The following FOCAD variants were observed in gnomAD, a reference collection of about 807,000 sequenced individuals.
FOCAD encodes the protein focadhesin, also known as KIAA1797.
Under a neutral mutation model 225.6 loss-of-function variants are expected in FOCAD, and 198 were observed. The ratio of observed to expected loss-of-function variants is 0.88; its 90% CI spans 0.78 to 0.99. FOCAD has a LOEUF of 0.99. Ranked by LOEUF, FOCAD falls within the 50% of genes least tolerant of loss-of-function variation. The pLI, the probability that FOCAD is intolerant of heterozygous loss-of-function variation, is 0.00. For missense variants in FOCAD, 2,713 were observed against 2,123.6 expected (o/e 1.28, Z -5.46); for synonymous variants, 897 against 755.0 (o/e 1.19, Z -3.08).
chr9:20,877,335 A>G (rs116984565), intron 19 of FOCAD, among the ~76,000 whole-genome samples: 224 of 152,348 alleles, frequency 1.5e-3, no homozygotes, highest in Non-Finnish European at 2.6e-3. Context: ...CAATTCTGAA[A>G]TCTCAAAAAT....
intron 15 of FOCAD, among the ~76,000 whole-genome samples, chr9:20,830,787 C>T (rs1289247175): frequency 6.6e-6 from 1 of 151,908 alleles, no homozygotes; most frequent in Non-Finnish European, 1.5e-5. Flanking sequence ...AGGGATCCTC[C>T]CACCTTAGAC....
chr9:20,959,561 C>T (rs1240628294), intron 35 of FOCAD, among the ~76,000 whole-genome samples: 2 of 151,888 alleles, frequency 1.3e-5, no homozygotes, highest in African/African-American at 2.4e-5. Flanking sequence ...TTTATTTTTG[C>T]TTTTATTTTC....
chr9:20,898,753 T>C (rs1368594811), intron 21 of FOCAD, among the ~76,000 whole-genome samples: 1 of 151,982 alleles, frequency 6.6e-6, no homozygotes, highest in Non-Finnish European at 1.5e-5. Flanking sequence ...CTTTAAGCTA[T>C]GTATTTTACC....
intron 4 of FOCAD, among the ~76,000 whole-genome samples, chr9:20,727,845 T>C (rs1826335358): frequency 6.6e-6 from 1 of 152,200 alleles, no homozygotes; most frequent in Non-Finnish European, 1.5e-5. Context: ...GTTATGTCAT[T>C]CTCTTCAACC....
intron 4 of FOCAD, among the ~76,000 whole-genome samples, chr9:20,736,849 T>G (rs907623353): frequency 1.3e-5 from 2 of 152,012 alleles, no homozygotes; most frequent in Non-Finnish European, 2.9e-5. Context: ...TTAATTCAAA[T>G]TGAAGTAGGG....
chr9:20,763,856 T>C (rs1449464329), intron 6 of FOCAD, among the ~76,000 whole-genome samples: 1 of 152,136 alleles, frequency 6.6e-6, no homozygotes, highest in Non-Finnish European at 1.5e-5. Flanking sequence ...ATCATTCCGG[T>C]GTTTTAGTGA....
chr9:20,751,747 T>C (rs1336014844), intron 5 of FOCAD, among the ~76,000 whole-genome samples: 3 of 148,944 alleles, frequency 2.0e-5, no homozygotes, highest in Admixed American at 6.7e-5. Flanking sequence ...ACTTCCACAA[T>C]GGTTGAACTA....
At chr9:20,762,489 T>C (rs1563958916) in intron 6 of FOCAD, among the ~76,000 whole-genome samples, 4 of 152,192 alleles carry the variant, frequency 2.6e-5, no homozygotes, top group South Asian at 2.1e-4. Context: ...ATGAGTGAGG[T>C]ATACTGTAGG....
intron 21 of FOCAD, among the ~76,000 whole-genome samples, chr9:20,901,923 G>A (rs1832597820): frequency 7.3e-6 from 1 of 136,538 alleles, no homozygotes; most frequent in Admixed American, 7.1e-5. Flanking sequence ...CTGCAAAACT[G>A]TCTTCTCAAC....
intron 21 of FOCAD, among the ~76,000 whole-genome samples, chr9:20,889,070 C>G (rs1272902391): frequency 2.0e-5 from 3 of 152,158 alleles, no homozygotes. Flanking sequence ...TTCCCACAAA[C>G]AATTTTAGAA....
chr9:20,903,908 C>T (rs746312567), intron 21 of FOCAD, among the ~76,000 whole-genome samples: 3 of 151,888 alleles, frequency 2.0e-5, no homozygotes, highest in Non-Finnish European at 4.4e-5. Context: ...ATTCCCTCCT[C>T]GTTTCTTCCT....
chr9:20,668,597 T>C (rs1413394976), intron 2 of FOCAD, among the ~76,000 whole-genome samples: 1 of 152,172 alleles, frequency 6.6e-6, no homozygotes, highest in Non-Finnish European at 1.5e-5. Context: ...AAATCCTAAA[T>C]GGTATGATTA....
intron 2 of FOCAD, among the ~76,000 whole-genome samples, chr9:20,670,739 C>T (rs542025479): frequency 2.6e-4 from 39 of 151,608 alleles, no homozygotes; most frequent in Non-Finnish European, 4.6e-4. Flanking sequence ...AATAAGGAAC[C>T]GGAAGCTTAG....
At chr9:20,766,480 T>G (rs1830061061) in intron 7 of FOCAD, among the ~76,000 whole-genome samples, 1 of 152,206 alleles carries the variant, frequency 6.6e-6, no homozygotes, top group Non-Finnish European at 1.5e-5. Flanking sequence ...AGCGTACTAT[T>G]TTGCAAGGCA....
intron 21 of FOCAD, among the ~76,000 whole-genome samples, chr9:20,904,302 T>C (rs1272545588): frequency 6.6e-6 from 1 of 151,916 alleles, no homozygotes; most frequent in African/African-American, 2.4e-5. Context: ...TCATATGGTA[T>C]TTCTATGTTT....
At position 20,897,870 on chromosome 9, in the gene FOCAD, T is replaced by G. The variant is rs922487292; in HGVS notation, c.2626-9280T>G. Among the ~76,000 whole-genome samples the G allele has an allele frequency of 2.0e-5, 3 of 151,872 alleles. No homozygotes were observed. The East Asian group carries it at 5.8e-4, about 29-fold the overall frequency. On this transcript the variant is annotated intron_variant, in intron 21 of 43. Transcript: ENST00000338382. ...TTTATCTAGATCTGAGCTTCTGATC[T>G]CTATAATTTGCTTACTCCCTAAAAA...
intron 19 of FOCAD, among the ~76,000 whole-genome samples, chr9:20,878,697 A>G (rs1830429648): frequency 6.6e-6 from 1 of 152,196 alleles, no homozygotes; most frequent in Admixed American, 6.6e-5. Context: ...ACCGATTAGG[A>G]TAATTGGCTT....
At chr9:20,951,242 G>A in intron 34 of FOCAD, 144 bp downstream of exon 34, 3 of 644,606 alleles carry the variant, frequency 4.7e-6, no homozygotes, top group Non-Finnish European at 8.1e-6. Flanking sequence ...GGGAAATGGT[G>A]TATGGAAAGG....
At chr9:20,863,821 A>G (rs956082401) in intron 16 of FOCAD, among the ~76,000 whole-genome samples, 1 of 152,222 alleles carries the variant, frequency 6.6e-6, no homozygotes, top group Non-Finnish European at 1.5e-5. Flanking sequence ...CTAAAATCAT[A>G]TATCTTTTGT....
Sources: gnomAD v4.1 joint callset for allele counts (sites outside exome capture counted in the v4.1 genomes callset) on GRCh38, gnomAD v4.1.1 for gene constraint, MANE v1.5 for transcripts, NCBI Gene and HGNC (gene_info 2026-07-23, HGNC 2026-07-21) for gene names.